Variants in CACNA1D observed in about 807,000 individuals in gnomAD.
CACNA1D encodes voltage-dependent L-type calcium channel subunit alpha-1D.
A neutral mutation model predicts 257.1 loss-of-function variants in CACNA1D; 55 were observed. The observed-to-expected ratio is 0.21, with a 90% CI of 0.17 to 0.27. The LOEUF (loss-of-function observed/expected upper bound fraction) is 0.27, where lower values mean the gene tolerates loss of function less well. Among genes scored for constraint, CACNA1D ranks in the 10% least tolerant of loss-of-function variants. CACNA1D has a pLI of 1.00. For missense variants in CACNA1D, 1,876 were observed against 2,784.0 expected, an observed-to-expected ratio of 0.67 and a Z score of 7.34; for synonymous variants, 980 against 1,014.9, an observed-to-expected ratio of 0.97 and a Z score of 0.65.
At chr3:53,713,494 CTGTGTGTATG>C (rs1282863596) in intron 9 of CACNA1D, among the ~76,000 whole-genome samples, 10 of 110,658 alleles carry the variant, frequency 9.0e-5, no homozygotes, top group African/African-American at 3.6e-4. Context: ...CTCATTTGCT[CTGTGTGTATG>C]TGTGTGTGTG....
intron 8 of CACNA1D, among the ~76,000 whole-genome samples, chr3:53,691,869 A>C (rs1413319003): frequency 2.7e-5 from 3 of 110,440 alleles, no homozygotes; most frequent in Non-Finnish European, 5.2e-5. Flanking sequence ...TATATTATAT[A>C]TATTACATAT....
intron 3 of CACNA1D, among the ~76,000 whole-genome samples, chr3:53,648,132 A>G (rs115860337): frequency 6.6e-6 from 1 of 152,128 alleles, no homozygotes; most frequent in East Asian, 1.9e-4. Context: ...TCTGAAGTAT[A>G]GTGTGCTGTC....
At chr3:53,740,470 A>T (rs2095105415) in intron 21 of CACNA1D, 131 bp downstream of exon 21, 1 of 741,370 alleles carries the variant, frequency 1.3e-6, no homozygotes, top group Non-Finnish European at 2.5e-6. Flanking sequence ...ATTTGAGATC[A>T]TTTTAAAGGT....
intron 3 of CACNA1D, among the ~76,000 whole-genome samples, chr3:53,564,952 T>C (rs2092808086): frequency 6.6e-6 from 1 of 152,200 alleles, no homozygotes; most frequent in Admixed American, 6.5e-5. Context: ...GTTTTTTGCC[T>C]TTAGCATGTA....
intron 8 of CACNA1D, among the ~76,000 whole-genome samples, chr3:53,700,891 TA>T (rs2094618964): frequency 1.3e-5 from 2 of 151,846 alleles, no homozygotes; most frequent in Admixed American, 6.6e-5. Flanking sequence ...TTTTTATTTT[TA>T]TTTTTTTTGA....
At chr3:53,689,473 G>A (rs2094501150) in intron 8 of CACNA1D, among the ~76,000 whole-genome samples, 1 of 151,976 alleles carries the variant, frequency 6.6e-6, no homozygotes, top group Non-Finnish European at 1.5e-5. Context: ...AGAGCCTGGG[G>A]GCTGGGGGCT....
chr3:53,729,340 A>G (rs541170051), intron 15 of CACNA1D, among the ~76,000 whole-genome samples: 4 of 152,240 alleles, frequency 2.6e-5, no homozygotes, highest in South Asian at 2.1e-4. Flanking sequence ...TTGTTAGGTT[A>G]TGTTGGTTTA....
intron 3 of CACNA1D, among the ~76,000 whole-genome samples, chr3:53,579,397 C>G (rs959740852): frequency 6.6e-6 from 1 of 152,042 alleles, no homozygotes; most frequent in African/African-American, 2.4e-5. Flanking sequence ...ATTTTGGTTG[C>G]TTTTACTTAA....
At chr3:53,794,979 C>T (rs2095501175) in intron 40 of CACNA1D, among the ~76,000 whole-genome samples, 1 of 152,188 alleles carries the variant, frequency 6.6e-6, no homozygotes, top group Non-Finnish European at 1.5e-5. Context: ...TAAAGAGGCT[C>T]CTGTGCAGTG....
chr3:53,756,317 A>T (rs1278417382), intron 29 of CACNA1D, among the ~76,000 whole-genome samples: 1 of 152,202 alleles, frequency 6.6e-6, no homozygotes. Flanking sequence ...GCCCAAGGTC[A>T]TGGGAGATGA....
chr3:53,555,092 G>T (rs1462379755), intron 3 of CACNA1D, among the ~76,000 whole-genome samples: 2 of 152,166 alleles, frequency 1.3e-5, no homozygotes, highest in Non-Finnish European at 2.9e-5. Context: ...GCAAAACTAT[G>T]TTTCCCATAG....
intron 27 of CACNA1D, among the ~76,000 whole-genome samples, chr3:53,750,799 C>A (rs2095218684): frequency 6.6e-6 from 1 of 152,176 alleles, no homozygotes; most frequent in Non-Finnish European, 1.5e-5. Flanking sequence ...CTGTCCGAAG[C>A]CTGCACCCAG....
chr3:53,595,456 T>C (rs2093358315), intron 3 of CACNA1D, among the ~76,000 whole-genome samples: 1 of 152,192 alleles, frequency 6.6e-6, no homozygotes, highest in African/African-American at 2.4e-5. Context: ...TAGGGTTGCC[T>C]TGAAGCTCTG....
At chr3:53,809,700 AT>A in intron 46 of CACNA1D, 1 of 502,740 alleles carries the variant, frequency 2.0e-6, no homozygotes, top group South Asian at 2.1e-5. Flanking sequence ...CTGATTCTTC[AT>A]TCTGAAGCAA....
chr3:53,613,887 C>T (rs1450769514), intron 3 of CACNA1D, among the ~76,000 whole-genome samples: 4 of 151,832 alleles, frequency 2.6e-5, no homozygotes, highest in Non-Finnish European at 5.9e-5. Context: ...ACAGAAATCA[C>T]GTAGTAATTT....
rs558880857 is a variant in CACNA1D at position 53,662,842 on chromosome 3, A to C, written c.766+2567A>C. On this transcript the variant is annotated intron_variant, in intron 5 of 47. Transcript: ENST00000350061. ...ACTCTAAATGTAAAAAATATTCACA[A>C]AGCTTACTGCCATGGAATTTAGAAG... is the stretch of plus-strand genomic sequence containing the variant. Among the ~76,000 whole-genome samples, 3 of 152,332 alleles carry C rather than the reference A, an allele frequency of 2.0e-5. No individual in the cohort carries two copies. The South Asian group carries it at 6.2e-4, about 32-fold the overall frequency.
At chr3:53,682,124 A>T (rs1356741111) in intron 8 of CACNA1D, among the ~76,000 whole-genome samples, 1 of 152,152 alleles carries the variant, frequency 6.6e-6, no homozygotes, top group African/African-American at 2.4e-5. Flanking sequence ...ATTCAAATTT[A>T]CATTTTCTAA....
At chr3:53,672,989 AC>A (rs2094340386) in intron 7 of CACNA1D, 33 bp from the exon 8 acceptor site, 1 of 1,377,454 alleles carries the variant, frequency 7.3e-7, no homozygotes, top group Non-Finnish European at 1.0e-6. Flanking sequence ...CCTCTTATTA[AC>A]CCACTCCTAT....
rs141581705 is a variant in CACNA1D at position 53,810,099 on chromosome 3, C to T, written c.5993C>T (p.Thr1998Ile). The T allele has an allele frequency of 6.2e-7, 1 of 1,613,810 alleles. No homozygotes were observed. Among genetic ancestry groups the T allele is most frequent in the Non-Finnish European group, 8.5e-7 (1 of 1,179,892 alleles). Residue 1998 changes from threonine (T) to isoleucine (I), a missense_variant, in exon 47 of 48, where the codon ACC (threonine) becomes ATC (isoleucine). Physicochemically the swap from Thr to Ile is moderately conservative, Grantham distance 89. Transcript: ENST00000350061. ...PPYRDWTPCY[T>I]PLIQVEQSEA... ...TACCGGGACTGGACACCGTGCTACA[C>T]CCCCCTGATCCAAGTGGAGCAGTCA...
Sources: gnomAD v4.1 joint callset for allele counts (sites outside exome capture counted in the v4.1 genomes callset) on GRCh38, gnomAD v4.1.1 for gene constraint, MANE v1.5 for transcripts, NCBI Gene and HGNC (gene_info 2026-07-23, HGNC 2026-07-21) for gene names.